SLFN11: variants seen among roughly 807,000 people sequenced by gnomAD.
SLFN11 encodes the protein schlafen family member 11.
A neutral mutation model predicts 53.4 loss-of-function variants in SLFN11; 43 were observed. The ratio of observed to expected loss-of-function variants is 0.80; its 90% confidence interval spans 0.63 to 1.04. SLFN11 has a LOEUF of 1.04. Ranked by LOEUF, SLFN11 falls within the 50% of genes least tolerant of loss-of-function variation. The pLI is 0.00. For synonymous variants in SLFN11, 389 were observed against 394.7 expected, an observed-to-expected ratio of 0.99 and a Z score of 0.17; for missense variants, 990 against 1,079.1, an observed-to-expected ratio of 0.92 and a Z score of 1.16.
At position 35,352,190 on chromosome 17, in the gene SLFN11, G is replaced by C. The variant is rs1386691561; in HGVS notation, c.*166C>G. The stretch of plus-strand genomic sequence containing the variant: ...GGGGGGCAGCCACCGCTGCTGAAAG[G>C]GTTGGGGAAGGAACCCCTGAAAGGA... On this transcript the variant is annotated 3_prime_UTR_variant, in exon 7 of 7. Transcript: ENST00000685675. 7.3e-6 allele frequency: 6 copies of C among 823,682 alleles called. No individual in the cohort carries two copies. The highest frequency in any genetic ancestry group is 2.8e-5 in the Admixed American group (1 of 35,256). 51.0% of individuals were successfully genotyped at this position (823,682 alleles called of 1,614,324 possible).
intron 1 of SLFN11, 30 bp from the exon 2 acceptor site, chr17:35,367,730 G>T (rs1342925249): frequency 2.0e-5 from 3 of 152,166 alleles, no homozygotes; most frequent in African/African-American, 7.2e-5. Context: ...AGAGTTCAAG[G>T]ATTAAGACTC....
chr17:35,353,102 A>G lies in SLFN11; in HGVS notation c.1960T>C (p.Phe654Leu), dbSNP rs1308823321. 3 of 1,614,030 alleles carry G rather than the reference A, an allele frequency of 1.9e-6. No homozygotes were observed. Among genetic ancestry groups the G allele is most frequent in the African/African-American group, 1.3e-5 (1 of 74,930 alleles). ...NICRAETRKT[F>L]LRENFEHIQH... ...ATGTGTTCAAAGTTTTCTCTTAGGAAAGTTTTCCGGGTCTCTGCTCGGCAG... is the reference window on the plus strand; with the variant it reads ...ATGTGTTCAAAGTTTTCTCTTAGGAGAGTTTTCCGGGTCTCTGCTCGGCAG... Residue 654 changes from phenylalanine (F) to leucine (L), a missense_variant, in exon 7 of 7, where the codon TTC becomes CTC. Transcript: ENST00000685675.
chr17:35,352,150 G>A lies in SLFN11; in HGVS notation c.*206C>T. The A allele has an allele frequency of 1.6e-6, 1 of 620,070 alleles. No homozygotes were observed. The allele number at this position is 620,070 out of a possible 1,614,324, so 38.4% of individuals were successfully genotyped here. On this transcript the variant is annotated 3_prime_UTR_variant, in exon 7 of 7. Transcript: ENST00000685675. ...AACCACCATCTTTCTGGCTGGAAGA[G>A]TCAGGGGTCAGAATGGGGGGCAGCC...
At chr17:35,355,114 G>A (rs565998685) in intron 5 of SLFN11, among the ~76,000 whole-genome samples, 2 of 152,230 alleles carry the variant, frequency 1.3e-5, no homozygotes, top group East Asian at 3.8e-4. Flanking sequence ...CCAAAGAAAT[G>A]TAAAATAAGA....
At chr17:35,368,547 C>T (rs112622655) in intron 1 of SLFN11, among the ~76,000 whole-genome samples, 16 of 152,158 alleles carry the variant, frequency 1.1e-4, no homozygotes, top group African/African-American at 3.1e-4. Context: ...TCTAAATAAA[C>T]TTGAAAGGCA....
At chr17:35,360,491 TA>T in intron 4 of SLFN11, 120 bp from the exon 5 acceptor site, 1 of 989,592 alleles carries the variant, frequency 1.0e-6, no homozygotes, top group East Asian at 2.7e-5. Context: ...AATATCAAAA[TA>T]ACTCTCCTCT....
intron 5 of SLFN11, among the ~76,000 whole-genome samples, chr17:35,357,545 C>T (rs1472836785): frequency 2.0e-5 from 3 of 151,190 alleles, no homozygotes; most frequent in African/African-American, 7.3e-5. Context: ...CACCAAGTTA[C>T]CCTATGTATT....
intron 1 of SLFN11, among the ~76,000 whole-genome samples, chr17:35,368,533 G>A (rs922889627): frequency 1.8e-4 from 28 of 152,160 alleles, no homozygotes; most frequent in Non-Finnish European, 2.9e-4. Flanking sequence ...AAGTGCTAGG[G>A]GGTTCTAAAT....
At position 35,352,895 on chromosome 17, in the gene SLFN11, G is replaced by C. The variant is rs775871508; in HGVS notation, c.2167C>G (p.Pro723Ala). The change falls in exon 7 of 7, where the codon CCA (proline) becomes GCA (alanine). Residue 723 changes from proline (P) to alanine (A), a missense_variant. By Grantham distance (27) the Pro-to-Ala change is conservative (BLOSUM62 -1). Around this residue, in one of 3 missense-constraint regions of SLFN11, gnomAD observed 313 missense variants for 320.9 expected, o/e 0.98. Transcript: ENST00000685675. ...SGLPPLSDQY[P>A]REELTRIVRN... The stretch of plus-strand genomic sequence containing the variant: ...ACTATTCTGGTGAGCTCTTCTCTTG[G>C]ATATTGGTCTGAGAGAGGAGGGAGG... 16 of 1,614,142 alleles carry C rather than the reference G, an allele frequency of 9.9e-6. No individual in the cohort carries two copies. Among genetic ancestry groups the C allele is most frequent in the Non-Finnish European group, 1.4e-5 (16 of 1,180,018 alleles).
In SLFN11 at chr17:35,354,038, T is replaced by C. The variant is rs756979596; in HGVS notation, c.1220A>G (p.Tyr407Cys). ...LFSVPPGYLR[Y>C]TPESLWRDLI... ...GTCCCTCCAGAGTGACTCTGGAGTA[T>C]ATCGCAAATATCCTGGTGGGACTGT... Residue 407 changes from tyrosine (Y) to cysteine (C), a missense_variant, in exon 6 of 7, where the codon TAT (tyrosine) becomes TGT (cysteine). Physicochemically the swap from Tyr to Cys is radical, Grantham distance 194. This residue lies in a region of SLFN11 where 521 missense variants were observed against 516.2 expected (regional missense o/e 1.01). Coordinates refer to ENST00000685675, the MANE Select transcript of SLFN11 (RefSeq NM_001376007.1). The C allele has an allele frequency of 6.2e-6, 10 of 1,610,548 alleles. No homozygotes were observed. Among genetic ancestry groups the C allele is most frequent in the Non-Finnish European group, 8.5e-6 (10 of 1,178,058 alleles).
chr17:35,361,092 A>C (rs570622068), intron 4 of SLFN11, among the ~76,000 whole-genome samples: 2 of 152,116 alleles, frequency 1.3e-5, no homozygotes, highest in South Asian at 2.1e-4. Flanking sequence ...GTACACATCC[A>C]CTTTACTCAG....
intron 1 of SLFN11, 93 bp from the exon 2 acceptor site, chr17:35,367,793 C>T (rs1255562623): frequency 6.6e-6 from 1 of 152,114 alleles, no homozygotes; most frequent in East Asian, 1.9e-4. Flanking sequence ...GTACGGTTTC[C>T]ATTTATTAGC....
chr17:35,354,934 C>T (rs1254210597), intron 5 of SLFN11, among the ~76,000 whole-genome samples: 1 of 151,856 alleles, frequency 6.6e-6, no homozygotes, highest in Non-Finnish European at 1.5e-5. Flanking sequence ...TCATTCGTAC[C>T]AGGTGCTCAC....
chr17:35,364,586 G>T (rs1167931997), intron 3 of SLFN11, among the ~76,000 whole-genome samples: 2 of 152,140 alleles, frequency 1.3e-5, no homozygotes, highest in African/African-American at 4.8e-5. Context: ...ATAAACCAGA[G>T]GCTAAGGTCT....
At position 35,351,765 on chromosome 17, in the gene SLFN11, T is replaced by G. The variant is rs1906708458; in HGVS notation, c.*591A>C. The G allele has an allele frequency of 6.5e-6, 1 of 152,690 alleles. No homozygotes were observed. Among genetic ancestry groups the G allele is most frequent in the Non-Finnish European group, 1.5e-5 (1 of 68,478 alleles). 9.5% of individuals were successfully genotyped at this position (152,690 alleles called of 1,614,324 possible). A position where few individuals can be genotyped will look rare whatever the true frequency, so the allele number is the denominator to read the frequency against. On this transcript the variant is annotated 3_prime_UTR_variant, in exon 7 of 7. Coordinates refer to ENST00000685675, the MANE Select transcript of SLFN11 (RefSeq NM_001376007.1). ...GAGAACAAGCTCTGGAGACCACAATTTTAAAGGATTAAATAATCATAACGG... is the reference window on the plus strand; with the variant it reads ...GAGAACAAGCTCTGGAGACCACAATGTTAAAGGATTAAATAATCATAACGG...
At chr17:35,360,549 C>A (rs1908080064) in intron 4 of SLFN11, among the ~76,000 whole-genome samples, 178 bp from the exon 5 acceptor site, 1 of 151,912 alleles carries the variant, frequency 6.6e-6, no homozygotes, top group African/African-American at 2.4e-5. Flanking sequence ...TCAAGGTTGC[C>A]AAAACCCACC....
chr17:35,359,450 T>C (rs1907919814), intron 5 of SLFN11, among the ~76,000 whole-genome samples: 2 of 152,264 alleles, frequency 1.3e-5, no homozygotes, highest in East Asian at 3.9e-4. Flanking sequence ...GACATTTATG[T>C]ATCAATTATA....
intron 6 of SLFN11, 33 bp from the exon 7 acceptor site, chr17:35,353,172 C>T (rs765748789): frequency 6.3e-7 from 1 of 1,597,612 alleles, no homozygotes; most frequent in Non-Finnish European, 8.5e-7. Context: ...CTCAGGTTTT[C>T]TCTAAAAAAA....
chr17:35,354,115 A>G (rs1907160425), intron 5 of SLFN11, 56 bp from the exon 6 acceptor site: 3 of 1,436,812 alleles, frequency 2.1e-6, no homozygotes, highest in African/African-American at 1.4e-5. Flanking sequence ...ATTGATTAAG[A>G]TGACTAATTA....
Sources: gnomAD v4.1 joint callset for allele counts (sites outside exome capture counted in the v4.1 genomes callset) on GRCh38, gnomAD v4.1.1 for gene constraint, gnomAD v4.1.1 regional missense constraint, MANE v1.5 for transcripts, NCBI Gene and HGNC (gene_info 2026-07-23, HGNC 2026-07-21) for gene names.